Variants in RIMS2 observed in about 807,000 individuals in gnomAD.
RIMS2 encodes the protein regulating synaptic membrane exocytosis 2.
A neutral mutation model predicts 174.4 loss-of-function variants in RIMS2; 59 were observed. That is an observed-to-expected ratio of 0.34 (90% confidence interval 0.27 to 0.42). RIMS2 has a LOEUF of 0.42. RIMS2 is among the 10% of genes least tolerant of loss of function. RIMS2 has a pLI of 1.00. For synonymous variants in RIMS2, 606 were observed against 572.5 expected (o/e 1.06, Z -0.84); for missense variants, 1,620 against 1,666.3 (o/e 0.97, Z 0.48).
intron 19 of RIMS2, among the ~76,000 whole-genome samples, chr8:104,077,209 T>G (rs2097312001): frequency 6.6e-6 from 1 of 152,082 alleles, no homozygotes. Context: ...TTAGCTGTGA[T>G]ATGATAATGA....
At chr8:103,512,819 T>A (rs1209402840) in intron 1 of RIMS2, among the ~76,000 whole-genome samples, 3 of 152,170 alleles carry the variant, frequency 2.0e-5, no homozygotes, top group Non-Finnish European at 4.4e-5. Context: ...GAATAAATTT[T>A]AGTGAAAAAT....
Position 103,934,197 on chromosome 8 carries a change from TA to T in RIMS2, c.2376-2348del, listed in dbSNP as rs1219496545. Among the ~76,000 whole-genome samples the T allele has an allele frequency of 7.2e-5, 11 of 152,234 alleles. No individual in the cohort carries two copies. In the East Asian group the frequency reaches 1.7e-3, roughly 24 times the overall value. On this transcript the variant is annotated intron_variant, in intron 12 of 23. Coordinates refer to ENST00000504942, the Ensembl canonical transcript of RIMS2. ...TCCTAGTAACGTGAAAATAAATTTT[TA>T]AAAAAGGATTAGGTTGGATTTTATT... is the stretch of plus-strand genomic sequence containing the variant.
intron 2 of RIMS2, among the ~76,000 whole-genome samples, chr8:103,743,168 C>T (rs775734428): frequency 6.6e-6 from 1 of 152,158 alleles, no homozygotes; most frequent in East Asian, 1.9e-4. Flanking sequence ...TAAGCAAGTA[C>T]TTTTGTTAGC....
intron 16 of RIMS2, among the ~76,000 whole-genome samples, chr8:103,983,989 C>T (rs1024124791): frequency 2.6e-5 from 4 of 151,804 alleles, no homozygotes; most frequent in Non-Finnish European, 4.4e-5. Context: ...CTGGCTAACA[C>T]GGTGAAACCC....
chr8:103,961,242 C>G, intron 15 of RIMS2, 109 bp downstream of exon 17: 1 of 653,216 alleles, frequency 1.5e-6, no homozygotes, highest in East Asian at 2.8e-5. Context: ...TCTTCTCACC[C>G]TCCAAAACAG....
intron 1 of RIMS2, among the ~76,000 whole-genome samples, chr8:103,574,339 A>G (rs1035626530): frequency 2.0e-5 from 3 of 152,190 alleles, no homozygotes; most frequent in Non-Finnish European, 2.9e-5. Flanking sequence ...ATGAATCTTC[A>G]GACAATACTC....
intron 19 of RIMS2, among the ~76,000 whole-genome samples, chr8:104,091,328 T>C (rs2097652686): frequency 6.6e-6 from 1 of 151,724 alleles, no homozygotes; most frequent in South Asian, 2.1e-4. Context: ...TTACCAAAAC[T>C]GCCTTCATAT....
intron 1 of RIMS2, among the ~76,000 whole-genome samples, chr8:103,577,754 T>G (rs897324077): frequency 1.3e-5 from 2 of 152,052 alleles, no homozygotes; most frequent in African/African-American, 4.8e-5. Flanking sequence ...ACAAAGAAAT[T>G]AAAATAATTT....
chr8:104,159,817 G>A (rs1345625535), intron 19 of RIMS2, among the ~76,000 whole-genome samples: 1 of 152,076 alleles, frequency 6.6e-6, no homozygotes, highest in Non-Finnish European at 1.5e-5. Context: ...TTTTAAAATA[G>A]AAAACTAGAA....
At chr8:104,027,794 G>C (rs2096286908) in intron 19 of RIMS2, among the ~76,000 whole-genome samples, 1 of 152,094 alleles carries the variant, frequency 6.6e-6, no homozygotes, top group African/African-American at 2.4e-5. Flanking sequence ...ATCCTTATCT[G>C]TCAGTTCTAT....
At chr8:104,165,589 T>C (rs1205099608) in intron 19 of RIMS2, among the ~76,000 whole-genome samples, 1 of 152,172 alleles carries the variant, frequency 6.6e-6, no homozygotes, top group Non-Finnish European at 1.5e-5. Context: ...AGTTTTAATC[T>C]GCTGTATCTT....
chr8:103,794,022 G>T (rs558876203), intron 3 of RIMS2, among the ~76,000 whole-genome samples: 7 of 152,190 alleles, frequency 4.6e-5, no homozygotes, highest in African/African-American at 1.7e-4. Context: ...GTAATTTATA[G>T]ATTCAATGCC....
chr8:104,190,593 A>G (rs1021636771), intron 19 of RIMS2, among the ~76,000 whole-genome samples: 2 of 152,102 alleles, frequency 1.3e-5, no homozygotes, highest in African/African-American at 2.4e-5. Flanking sequence ...TCCTCCAAAT[A>G]TATTCAAGTT....
chr8:103,729,707 G>A (rs956122359), intron 2 of RIMS2, among the ~76,000 whole-genome samples: 3 of 151,872 alleles, frequency 2.0e-5, no homozygotes, highest in African/African-American at 7.3e-5. Context: ...TCTTAGTACT[G>A]CTTTTGCTCT....
In RIMS2 at chr8:104,102,290, A is replaced by G. The variant is rs929434363; in HGVS notation, c.3334+87675A>G. 2.0e-5 allele frequency among the ~76,000 whole-genome samples: 3 copies of G among 152,152 alleles called. No homozygotes were observed. The East Asian group carries it at 5.8e-4, about 29-fold the overall frequency. ...CCTTCTATACACTCAGTCTCAGTGC[A>G]TGGCCTGTTATCTTTGCACCTGCTC... On this transcript the variant is annotated intron_variant, in intron 19 of 23. Coordinates refer to ENST00000504942, the Ensembl canonical transcript of RIMS2.
At chr8:103,574,177 C>T (rs191275700) in intron 1 of RIMS2, among the ~76,000 whole-genome samples, 2 of 151,920 alleles carry the variant, frequency 1.3e-5, no homozygotes, top group East Asian at 3.9e-4. Flanking sequence ...CTGCTTAGAA[C>T]GACCTAAGAG....
chr8:103,566,818 G>A (rs2092392684), intron 1 of RIMS2, among the ~76,000 whole-genome samples: 1 of 152,010 alleles, frequency 6.6e-6, no homozygotes, highest in South Asian at 2.1e-4. Flanking sequence ...CTGTCTCCTT[G>A]AATCCCTTCA....
chr8:103,772,805 T>C (rs1253279532), intron 3 of RIMS2, among the ~76,000 whole-genome samples: 1 of 152,110 alleles, frequency 6.6e-6, no homozygotes, highest in African/African-American at 2.4e-5. Context: ...CATTCATGTA[T>C]AGACAAGTAA....
intron 3 of RIMS2, among the ~76,000 whole-genome samples, chr8:103,866,816 A>G (rs2099086637): frequency 6.6e-6 from 1 of 152,056 alleles, no homozygotes; most frequent in Non-Finnish European, 1.5e-5. Flanking sequence ...CAATCTTATA[A>G]CCACATTTTT....
Sources: gnomAD v4.1 joint callset for allele counts (sites outside exome capture counted in the v4.1 genomes callset) on GRCh38, gnomAD v4.1.1 for gene constraint, MANE v1.5 for transcripts, NCBI Gene and HGNC (gene_info 2026-07-23, HGNC 2026-07-21) for gene names.